ITPR2: variants seen among roughly 807,000 people sequenced by gnomAD.
The protein encoded by ITPR2 is inositol 1,4,5-trisphosphate-gated calcium channel ITPR2.
In ITPR2, 207 loss-of-function variants were observed where a neutral mutation model predicts 317.1. That is an observed-to-expected ratio of 0.65 (90% CI 0.58 to 0.73). ITPR2 has a LOEUF of 0.73. Among genes scored for constraint, ITPR2 ranks in the 30% least tolerant of loss-of-function variants. ITPR2 has a pLI of 0.00. For synonymous variants in ITPR2, 1,156 were observed against 1,149.1 expected, an observed-to-expected ratio of 1.01 and a Z score of -0.12; for missense variants, 2,613 against 3,284.0, an observed-to-expected ratio of 0.80 and a Z score of 4.99.
intron 55 of ITPR2, among the ~76,000 whole-genome samples, chr12:26,344,307 T>A (rs917066724): frequency 6.6e-6 from 1 of 152,016 alleles, no homozygotes; most frequent in Non-Finnish European, 1.5e-5. Flanking sequence ...TTTCAACATA[T>A]AACAGCACAA....
intron 28 of ITPR2, among the ~76,000 whole-genome samples, chr12:26,600,679 A>C (rs1013510291): frequency 4.0e-5 from 6 of 151,046 alleles, no homozygotes; most frequent in African/African-American, 1.5e-4. Context: ...TTTCTCCCAC[A>C]TCTATTCCAT....
At chr12:26,514,672 G>A (rs936737792) in intron 37 of ITPR2, among the ~76,000 whole-genome samples, 3 of 152,080 alleles carry the variant, frequency 2.0e-5, no homozygotes, top group Non-Finnish European at 4.4e-5. Flanking sequence ...TGACTTCATT[G>A]CATTTATTTT....
At chr12:26,494,377 G>A (rs1220066650) in intron 38 of ITPR2, 37 bp from the exon 39 acceptor site, 2 of 1,351,958 alleles carry the variant, frequency 1.5e-6, no homozygotes, top group East Asian at 2.5e-5. Context: ...AACCTTAATT[G>A]TAGACATTAT....
At chr12:26,376,280 C>T (rs1939340101) in intron 55 of ITPR2, among the ~76,000 whole-genome samples, 1 of 152,166 alleles carries the variant, frequency 6.6e-6, no homozygotes. Context: ...TCCAAGTCCA[C>T]ATATGCACTT....
intron 45 of ITPR2, among the ~76,000 whole-genome samples, chr12:26,474,702 G>A (rs1165513197): frequency 1.4e-5 from 2 of 146,292 alleles, no homozygotes; most frequent in Non-Finnish European, 3.0e-5. Flanking sequence ...GCTGAGGCAG[G>A]AGAATGGCGT....
intron 2 of ITPR2, among the ~76,000 whole-genome samples, chr12:26,744,164 C>A (rs770418053): frequency 2.0e-5 from 3 of 152,196 alleles, no homozygotes; most frequent in African/African-American, 4.8e-5. Context: ...AATGCCTCCA[C>A]CTTACTCAAA....
intron 10 of ITPR2, among the ~76,000 whole-genome samples, chr12:26,687,784 G>A (rs1592038889): frequency 6.6e-6 from 1 of 152,150 alleles, no homozygotes; most frequent in African/African-American, 2.4e-5. Context: ...AGCCCTCACA[G>A]CCTCACAGCA....
chr12:26,376,273 A>C (rs1414130867), intron 55 of ITPR2, among the ~76,000 whole-genome samples: 1 of 152,206 alleles, frequency 6.6e-6, no homozygotes, highest in Non-Finnish European at 1.5e-5. Flanking sequence ...GAAAATGTCC[A>C]AGTCCACATA....
chr12:26,577,441 T>C (rs1335008372), intron 34 of ITPR2, among the ~76,000 whole-genome samples: 2 of 152,258 alleles, frequency 1.3e-5, no homozygotes, highest in African/African-American at 4.8e-5. Flanking sequence ...TGTTTCTCTA[T>C]TTATTAAAAT....
chr12:26,497,697 T>C (rs377434741), intron 37 of ITPR2, among the ~76,000 whole-genome samples: 3 of 149,282 alleles, frequency 2.0e-5, no homozygotes, highest in Non-Finnish European at 4.4e-5. Context: ...CTAAATGTCA[T>C]AGTGCCAAGA....
intron 45 of ITPR2, among the ~76,000 whole-genome samples, chr12:26,471,802 T>C (rs1006208791): frequency 2.0e-5 from 3 of 152,198 alleles, no homozygotes; most frequent in African/African-American, 7.2e-5. Context: ...GCACAGTCAT[T>C]TGCCTGCAGG....
At chr12:26,781,091 G>T (rs1950067124) in intron 2 of ITPR2, among the ~76,000 whole-genome samples, 1 of 152,180 alleles carries the variant, frequency 6.6e-6, no homozygotes, top group Non-Finnish European at 1.5e-5. Flanking sequence ...ACCATGCCTT[G>T]TGATTAAGGT....
chr12:26,768,409 T>A, intron 2 of ITPR2, among the ~76,000 whole-genome samples: 1 of 63,406 alleles, frequency 1.6e-5, no homozygotes, highest in Non-Finnish European at 3.3e-5. Context: ...AAACTTAAAG[T>A]ATAATAAAAA....
chr12:26,656,317 G>A lies in ITPR2; in HGVS notation c.2424C>T (p.Pro808=), dbSNP rs1947366363. ...CATACTCATGAATTGTGATCTTTGT[G>A]GGGATTTCTGTCCAGAGCCTGGCAT... ...VRYARLWTEI[P]TKITIHEYDS... Residue 808 remains proline, a synonymous_variant, in exon 19 of 57, where the codon CCC becomes CCT. Coordinates refer to ENST00000381340, the MANE Select transcript of ITPR2 (RefSeq NM_002223.4). The A allele has an allele frequency of 6.2e-7, 1 of 1,614,146 alleles. No individual in the cohort carries two copies. Among genetic ancestry groups the A allele is most frequent in the Non-Finnish European group, 8.5e-7 (1 of 1,180,032 alleles).
intron 15 of ITPR2, 61 bp downstream of exon 15, chr12:26,663,624 C>A: frequency 7.0e-7 from 1 of 1,431,536 alleles, no homozygotes; most frequent in African/African-American, 1.4e-5. Context: ...AGAATTATAA[C>A]CAAAGAACCT....
At chr12:26,589,734 C>T (rs1173337845) in intron 32 of ITPR2, among the ~76,000 whole-genome samples, 1 of 145,946 alleles carries the variant, frequency 6.9e-6, no homozygotes, top group African/African-American at 2.5e-5. Flanking sequence ...TTGCAGTGAG[C>T]CAAGATCGCC....
intron 34 of ITPR2, 130 bp downstream of exon 34, chr12:26,578,583 C>G (rs1414711858): frequency 2.8e-6 from 2 of 726,042 alleles, no homozygotes; most frequent in Non-Finnish European, 4.3e-6. Flanking sequence ...GATGGCTGCT[C>G]TTCAGTTTAA....
At chr12:26,413,909 A>G (rs971987031) in intron 51 of ITPR2, among the ~76,000 whole-genome samples, 12 of 152,316 alleles carry the variant, frequency 7.9e-5, no homozygotes, top group African/African-American at 2.9e-4. Context: ...GACAATAACT[A>G]CTGCACACAT....
intron 32 of ITPR2, among the ~76,000 whole-genome samples, chr12:26,592,275 G>A (rs1053745560): frequency 6.6e-6 from 1 of 152,194 alleles, no homozygotes; most frequent in African/African-American, 2.4e-5. Flanking sequence ...GGGGCAGAGG[G>A]GAAGTGGGGA....
Sources: allele counts gnomAD v4.1 joint callset (sites outside exome capture counted in the v4.1 genomes callset), GRCh38; gene constraint gnomAD v4.1.1; transcripts MANE v1.5; gene names NCBI Gene and HGNC (gene_info 2026-07-23, HGNC 2026-07-21).